Variants in AUNIP observed in about 807,000 individuals in gnomAD.
The protein encoded by AUNIP is aurora kinase A- and ninein-interacting protein.
A neutral mutation model predicts 12.2 loss-of-function variants in AUNIP; 16 were observed. The observed-to-expected ratio is 1.31, with a 90% CI of 0.88 to 1.99. AUNIP has a LOEUF of 1.99. Among genes scored for constraint, AUNIP ranks in the 30% most tolerant of loss-of-function variants. The probability of loss-of-function intolerance (pLI) is 0.00; values close to 1 mark genes in which losing one functional copy is unlikely to be tolerated. For synonymous variants in AUNIP, 142 were observed against 154.8 expected (o/e 0.92, Z 0.61); for missense variants, 411 against 419.1 (o/e 0.98, Z 0.17).
rs752385831 is a variant in AUNIP, at chr1:25,835,600, A to G, written c.467T>C (p.Leu156Pro). Residue 156 changes from leucine to proline, a missense_variant, in exon 3 of 3, where the codon CTC (leucine) becomes CCC (proline). Coordinates refer to ENST00000374298, the MANE Select transcript of AUNIP (RefSeq NM_024037.3). ...KTPFSTELSL[L>P]QPDTPDCAGD... ...AGCACAGTCTGGAGTATCAGGCTGG[A>G]GCAAAGATAGCTCAGTTGAAAATGG... 1 of 1,614,246 alleles carries G rather than the reference A, an allele frequency of 6.2e-7. No individual in the cohort carries two copies. Among genetic ancestry groups the G allele is most frequent in the South Asian group, 1.1e-5 (1 of 91,086 alleles).
At chr1:25,850,783 T>G (rs1414012766) in intron 1 of AUNIP, among the ~76,000 whole-genome samples, 1 of 94,362 alleles carries the variant, frequency 1.1e-5, no homozygotes, top group Non-Finnish European at 2.4e-5. Context: ...TTTTTCTAAT[T>G]TTTTTAAGTG....
At position 25,851,408 on chromosome 1, in the gene AUNIP, CTTCTA is replaced by C. The variant is rs149424360; in HGVS notation, c.78+7867_78+7871del. ...AATGAGTTGGAAAGTGTTCCCTCCTCTTCTATTCTATTTTTTTGAGAGAGTCTGAA... is the reference window on the plus strand; with the variant it reads ...AATGAGTTGGAAAGTGTTCCCTCCTCTTCTATTTTTTTGAGAGAGTCTGAA... On this transcript the variant is annotated intron_variant, in intron 1 of 2. Transcript: ENST00000374298. Among the ~76,000 whole-genome samples, 235 of 152,244 alleles carry C rather than the reference CTTCTA, an allele frequency of 1.5e-3. 3 individuals are homozygous for C. Among genetic ancestry groups the C allele is most frequent in the African/African-American group, 5.1e-3 (213 of 41,560 alleles).
chr1:25,851,419 T>G (rs1438493257), intron 1 of AUNIP, among the ~76,000 whole-genome samples: 2 of 152,158 alleles, frequency 1.3e-5, no homozygotes. Flanking sequence ...TTCTATTCTA[T>G]TTTTTTGAGA....
intron 2 of AUNIP, 90 bp from the exon 3 acceptor site, chr1:25,835,936 A>G: frequency 6.5e-7 from 1 of 1,527,292 alleles, no homozygotes. Context: ...AGTATCAGCT[A>G]CTATTACTAC....
chr1:25,843,501 A>C (rs1487512827), intron 1 of AUNIP, among the ~76,000 whole-genome samples: 1 of 150,096 alleles, frequency 6.7e-6, no homozygotes, highest in African/African-American at 2.5e-5. Flanking sequence ...GCTGCCTTAT[A>C]ATCTCAGTTA....
intron 1 of AUNIP, among the ~76,000 whole-genome samples, chr1:25,843,365 T>C (rs1184530277): frequency 6.6e-6 from 1 of 151,098 alleles, no homozygotes; most frequent in Admixed American, 6.6e-5. Flanking sequence ...CTACATTTCA[T>C]AAGGCCACAG....
downstream of AUNIP, chr1:25,832,236 G>A: frequency 2.2e-6 from 3 of 1,386,596 alleles, no homozygotes; most frequent in Non-Finnish European, 3.0e-6. Flanking sequence ...TTTGACCTGA[G>A]ACATTTGTTT....
intron 1 of AUNIP, among the ~76,000 whole-genome samples, chr1:25,844,209 C>T (rs1006286016): frequency 2.6e-5 from 4 of 152,112 alleles, no homozygotes; most frequent in African/African-American, 4.8e-5. Flanking sequence ...CGGGTTCAAG[C>T]GATTCTCCTG....
downstream of AUNIP, chr1:25,832,405 A>C: frequency 2.3e-6 from 1 of 442,048 alleles, no homozygotes; most frequent in African/African-American, 4.1e-5. Context: ...CCCAGCTGTC[A>C]CTCACTCAGC....
At position 25,835,325 on chromosome 1, in the gene AUNIP, G is replaced by C; in HGVS notation, c.742C>G (p.Gln248Glu). Reference protein sequence around the residue: ...KENRQAPVLLQTYRESWNGEN... With the variant: ...KENRQAPVLLETYRESWNGEN... Reference sequence around the variant, plus strand: ...CCATTCCAGGATTCCCTGTATGTTTGAAGGAGGACAGGGGCCTGCCTGTTT... The same window carrying C: ...CCATTCCAGGATTCCCTGTATGTTTCAAGGAGGACAGGGGCCTGCCTGTTT... Residue 248 changes from glutamine (Q) to glutamate (E), a missense_variant, in exon 3 of 3, where the codon CAA becomes GAA. By Grantham distance (29) the Gln-to-Glu change is conservative. Coordinates refer to ENST00000374298, the MANE Select transcript of AUNIP (RefSeq NM_024037.3). 1 of 1,614,202 alleles carries C rather than the reference G, an allele frequency of 6.2e-7. No individual in the cohort carries two copies. The highest frequency in any genetic ancestry group is 8.5e-7 in the Non-Finnish European group (1 of 1,180,042).
intron 1 of AUNIP, among the ~76,000 whole-genome samples, chr1:25,843,172 C>CG (rs1273149420): frequency 4.4e-5 from 6 of 134,872 alleles, no homozygotes; most frequent in African/African-American, 1.7e-4. Flanking sequence ...GACCCCATCT[C>CG]AAAAAAAAAA....
intron 1 of AUNIP, among the ~76,000 whole-genome samples, chr1:25,843,075 G>C (rs947512439): frequency 2.0e-5 from 3 of 151,394 alleles, no homozygotes; most frequent in Non-Finnish European, 2.9e-5. Flanking sequence ...CAGCTACTTG[G>C]GAGGCCAAAG....
intron 1 of AUNIP, among the ~76,000 whole-genome samples, chr1:25,855,556 T>A (rs1358067898): frequency 6.6e-6 from 1 of 152,126 alleles, no homozygotes; most frequent in East Asian, 1.9e-4. Flanking sequence ...CGAGGCCAAA[T>A]GGGTAGTTCA....
chr1:25,838,184 A>G (rs183281791), intron 1 of AUNIP, among the ~76,000 whole-genome samples: 2 of 152,156 alleles, frequency 1.3e-5, no homozygotes, highest in African/African-American at 4.8e-5. Flanking sequence ...AATGACAATA[A>G]TAGTACCTAT....
intron 1 of AUNIP, 39 bp downstream of exon 1, chr1:25,859,241 A>G (rs1572271536): frequency 1.3e-6 from 2 of 1,553,112 alleles, no homozygotes; most frequent in Middle Eastern, 1.7e-4. Context: ...TCCAGGCCCT[A>G]CCTGGTTCCC....
At chr1:25,848,085 C>CTCAAATACATT (rs140825342) in intron 1 of AUNIP, among the ~76,000 whole-genome samples, 1,869 of 152,266 alleles carry the variant, frequency 0.012, 41 homozygotes, top group African/African-American at 0.042. Flanking sequence ...ACTACACACT[C>CTCAAATACATT]TCAAATAACC....
intron 1 of AUNIP, among the ~76,000 whole-genome samples, chr1:25,838,734 T>C (rs1420670168): frequency 2.0e-5 from 3 of 152,220 alleles, no homozygotes; most frequent in African/African-American, 7.2e-5. Context: ...TAACTATAAA[T>C]ATAACCTCAT....
intron 1 of AUNIP, among the ~76,000 whole-genome samples, chr1:25,845,584 C>T (rs1351696811): frequency 3.9e-5 from 6 of 152,202 alleles, no homozygotes; most frequent in African/African-American, 1.4e-4. Flanking sequence ...CCATTTATCA[C>T]TTGGTGTCTG....
chr1:25,835,793 T>A lies in AUNIP; in HGVS notation c.274A>T (p.Ile92Phe). The change falls in exon 3 of 3, where the codon ATC becomes TTC. Residue 92 changes from isoleucine to phenylalanine, a missense_variant. By Grantham distance (21) the Ile-to-Phe change is conservative. Transcript: ENST00000374298. Reference protein sequence around the residue: ...KSVSSHTESQINKESKKNATQ... With the variant: ...KSVSSHTESQFNKESKKNATQ... The stretch of plus-strand genomic sequence containing the variant: ...GCATTTTTCTTGGACTCTTTGTTGA[T>A]CTGACTTTCTGTATGAGATGAAACA... 1 of 1,614,246 alleles carries A rather than the reference T, an allele frequency of 6.2e-7. No homozygotes were observed. The highest frequency in any genetic ancestry group is 8.5e-7 in the Non-Finnish European group (1 of 1,180,038).
Sources: gnomAD v4.1 joint callset for allele counts (sites outside exome capture counted in the v4.1 genomes callset) on GRCh38, gnomAD v4.1.1 for gene constraint, MANE v1.5 for transcripts, NCBI Gene and HGNC (gene_info 2026-07-23, HGNC 2026-07-21) for gene names.